The following FIP1L1 variants were observed in gnomAD, a reference collection of about 807,000 sequenced individuals.
FIP1L1 encodes the protein factor interacting with PAPOLA and CPSF1.
Under a neutral mutation model 84.6 loss-of-function variants are expected in FIP1L1, and 21 were observed. The observed-to-expected ratio is 0.25, with a 90% CI of 0.18 to 0.36. FIP1L1 has a LOEUF of 0.36. FIP1L1 is among the 10% of genes least tolerant of loss of function. The pLI is 1.00. For missense variants in FIP1L1, 526 were observed against 751.1 expected (o/e 0.70, Z 3.50); for synonymous variants, 263 against 242.3 (o/e 1.09, Z -0.80).
intron 13 of FIP1L1, among the ~76,000 whole-genome samples, chr4:53,429,516 TAAAAG>T (rs1200893868): frequency 6.6e-6 from 1 of 152,164 alleles, no homozygotes; most frequent in African/African-American, 2.4e-5. Flanking sequence ...ATTAGATAAA[TAAAAG>T]GTAGAAATAA....
chr4:53,437,371 C>G (rs1192697352), intron 13 of FIP1L1, among the ~76,000 whole-genome samples: 1 of 140,348 alleles, frequency 7.1e-6, no homozygotes, highest in Non-Finnish European at 1.5e-5. Context: ...AAATCATCTT[C>G]TCTTTTGAGA....
chr4:53,437,259 G>A (rs1276013396), intron 13 of FIP1L1, among the ~76,000 whole-genome samples: 2 of 145,722 alleles, frequency 1.4e-5, no homozygotes, highest in Non-Finnish European at 1.5e-5. Flanking sequence ...AGCTGGGGAG[G>A]CAGAGGTTGC....
At chr4:53,449,475 A>G (rs911818802) in intron 15 of FIP1L1, among the ~76,000 whole-genome samples, 4 of 152,118 alleles carry the variant, frequency 2.6e-5, no homozygotes, top group Non-Finnish European at 5.9e-5. Flanking sequence ...TAACTTGCCC[A>G]TGATTGATTA....
intron 10 of FIP1L1, among the ~76,000 whole-genome samples, chr4:53,409,454 C>G (rs1755838721): frequency 1.3e-5 from 2 of 152,170 alleles, no homozygotes; most frequent in Non-Finnish European, 2.9e-5. Flanking sequence ...GGGTCAGGGA[C>G]CCACTTGAGG....
intron 12 of FIP1L1, among the ~76,000 whole-genome samples, chr4:53,427,349 T>G (rs1764730587): frequency 3.3e-5 from 5 of 152,198 alleles, no homozygotes; most frequent in Admixed American, 3.3e-4. Flanking sequence ...GGTGCCACTT[T>G]GCTTGTTTTA....
intron 11 of FIP1L1, among the ~76,000 whole-genome samples, chr4:53,421,451 C>G (rs1483287959): frequency 1.3e-5 from 2 of 152,156 alleles, no homozygotes; most frequent in African/African-American, 4.8e-5. Flanking sequence ...TTCTATCTTC[C>G]CATCCTACAT....
At chr4:53,383,986 T>A in intron 5 of FIP1L1, 110 bp downstream of exon 5, 1 of 1,042,438 alleles carries the variant, frequency 9.6e-7, no homozygotes. Flanking sequence ...TTTTTCTATT[T>A]TAACATAAAA....
intron 9 of FIP1L1, among the ~76,000 whole-genome samples, chr4:53,396,696 G>A (rs996945827): frequency 2.6e-5 from 4 of 152,102 alleles, no homozygotes; most frequent in African/African-American, 7.2e-5. Context: ...GAGCCACCAC[G>A]CCCAGCCTAC....
chr4:53,426,722 C>T (rs1764505200), intron 12 of FIP1L1, among the ~76,000 whole-genome samples: 2 of 152,074 alleles, frequency 1.3e-5, no homozygotes, highest in Non-Finnish European at 2.9e-5. Context: ...TGTATGTTTT[C>T]ATATTCTTAA....
At position 53,391,040 on chromosome 4, in the gene FIP1L1, G is replaced by A; in HGVS notation, c.537G>A (p.Gly179=). ...GADLSDYFNY[G]FNEDTWKAYC... is the part of the protein sequence containing the mutation. ...ATCTTTCTGATTATTTTAATTATGG[G>A]TTTAATGAAGATACCTGGAAAGCTT... is the stretch of plus-strand genomic sequence containing the variant. The change falls in exon 8 of 18, where the codon GGG becomes GGA. Residue 179 remains glycine (G), a synonymous_variant. Transcript: ENST00000337488. 6.2e-7 allele frequency: 1 copy of A among 1,608,562 alleles called. No individual in the cohort carries two copies. The highest frequency in any genetic ancestry group is 8.5e-7 in the Non-Finnish European group (1 of 1,177,718).
At chr4:53,378,154 C>T (rs980987) in intron 1 of FIP1L1, 286,662 of 410,546 alleles carry the variant, frequency 0.7, 100,538 homozygotes, top group Middle Eastern at 0.74. Flanking sequence ...CCGGGCCGGG[C>T]TGGGGGGCTG....
intron 10 of FIP1L1, among the ~76,000 whole-genome samples, chr4:53,402,602 T>G (rs1394851194): frequency 6.6e-6 from 1 of 152,152 alleles, no homozygotes; most frequent in African/African-American, 2.4e-5. Flanking sequence ...CTCGGGAGGC[T>G]GAGGCGGGAG....
Position 53,377,692 on chromosome 4 carries a change from C to G in FIP1L1, c.-147C>G, listed in dbSNP as rs565307144. On this transcript the variant is annotated 5_prime_UTR_variant, in exon 1 of 18. Transcript: ENST00000337488. The stretch of plus-strand genomic sequence containing the variant: ...GAGGCTTCATCTTTGCCGCCGCTGC[C>G]GTCGCCTTCCTGGGATTGGAGTCTC... The G allele has an allele frequency of 1.1e-4, 75 of 669,698 alleles. 2 individuals are homozygous for G. The highest frequency in any genetic ancestry group is 8.7e-4 in the South Asian group (38 of 43,724). 41.5% of individuals were successfully genotyped at this position (669,698 alleles called of 1,614,324 possible).
At chr4:53,414,991 TTGC>T (rs1200791043) in intron 11 of FIP1L1, among the ~76,000 whole-genome samples, 2 of 152,086 alleles carry the variant, frequency 1.3e-5, no homozygotes, top group Non-Finnish European at 2.9e-5. Flanking sequence ...TTTCGTTCTC[TTGC>T]TGCAGGTTAA....
chr4:53,421,833 A>G (rs1762533338), intron 11 of FIP1L1, among the ~76,000 whole-genome samples: 2 of 152,342 alleles, frequency 1.3e-5, no homozygotes, highest in South Asian at 4.1e-4. Context: ...TTTGCCTGGA[A>G]ATTGCATCTA....
At chr4:53,389,908 A>C (rs756024368) in intron 6 of FIP1L1, 35 bp downstream of exon 6, 28 of 1,497,998 alleles carry the variant, frequency 1.9e-5, no homozygotes, top group Non-Finnish European at 2.6e-5. Flanking sequence ...TCAATAGGGA[A>C]ATAAGGCACA....
intron 15 of FIP1L1, among the ~76,000 whole-genome samples, chr4:53,446,002 AT>A (rs1774037133): frequency 6.6e-6 from 1 of 152,186 alleles, no homozygotes. Flanking sequence ...ACTCCGAAGG[AT>A]TTATTTGATA....
chr4:53,383,100 C>CT (rs1170888409), intron 4 of FIP1L1, among the ~76,000 whole-genome samples: 1 of 150,256 alleles, frequency 6.7e-6, no homozygotes, highest in Non-Finnish European at 1.5e-5. Flanking sequence ...CTCTTAGATT[C>CT]TTTTTTGCCA....
At chr4:53,395,330 C>G (rs1289988205) in intron 9 of FIP1L1, among the ~76,000 whole-genome samples, 2 of 152,146 alleles carry the variant, frequency 1.3e-5, no homozygotes, top group Non-Finnish European at 2.9e-5. Context: ...GTTTAAAAAT[C>G]TATGCCATTT....
Sources: allele counts gnomAD v4.1 joint callset (sites outside exome capture counted in the v4.1 genomes callset), GRCh38; gene constraint gnomAD v4.1.1; transcripts MANE v1.5; gene names NCBI Gene and HGNC (gene_info 2026-07-23, HGNC 2026-07-21).